FAM181B: variants seen among roughly 807,000 people sequenced by gnomAD.
The protein encoded by FAM181B is protein FAM181B.
In FAM181B, 13 loss-of-function variants were observed where a neutral mutation model predicts 17.8. The ratio of observed to expected loss-of-function variants is 0.73; its 90% CI spans 0.48 to 1.16. The LOEUF is 1.16. Among genes scored for constraint, FAM181B ranks in the 50% most tolerant of loss-of-function variants. The pLI is 0.00. For synonymous variants in FAM181B, 338 were observed against 316.5 expected (o/e 1.07, Z -0.72); for missense variants, 725 against 634.1 (o/e 1.14, Z -1.54).
Position 82,733,768 on chromosome 11 carries a change from G to A in FAM181B, c.-39C>T. On this transcript the variant is annotated 5_prime_UTR_variant, in exon 1 of 1. Transcript: ENST00000329203. ...GGGCTGTCCGCAGCGCTGCCCGTGC[G>A]CCCCCGCCAGCTCCTGCCCGCCGCC... The A allele has an allele frequency of 7.8e-7, 1 of 1,287,858 alleles. No individual in the cohort carries two copies. Among genetic ancestry groups the A allele is most frequent in the Non-Finnish European group, 9.8e-7 (1 of 1,017,500 alleles). The allele number at this position is 1,287,858 out of a possible 1,614,324, so 79.8% of individuals were successfully genotyped here.
chr11:82,732,376 A>C lies in FAM181B; in HGVS notation c.*73T>G. ...CACGTGCATTTTCCCATCGTTCTTC[A>C]GATTTAGGAGAAACCCACGGAGGCG... On this transcript the variant is annotated 3_prime_UTR_variant, in exon 1 of 1. Transcript: ENST00000329203. The C allele has an allele frequency of 7.2e-7, 1 of 1,389,802 alleles. No individual in the cohort carries two copies. Among genetic ancestry groups the C allele is most frequent in the Non-Finnish European group, 9.8e-7 (1 of 1,022,734 alleles). The allele number at this position is 1,389,802 out of a possible 1,614,324, so 86.1% of individuals were successfully genotyped here. A position where few individuals can be genotyped will look rare whatever the true frequency, so the allele number is the denominator to read the frequency against.
Position 82,732,867 on chromosome 11 carries a change from T to C in FAM181B, c.863A>G (p.Asp288Gly). The change falls in exon 1 of 1, where the codon GAC becomes GGC. Residue 288 changes from aspartate to glycine, a missense_variant. Transcript: ENST00000329203. Reference protein sequence around the residue: ...AAVLLAAEPLDVFPAGASVLR... With the variant: ...AAVLLAAEPLGVFPAGASVLR... ...TACGGAGGCTCCGGCGGGGAACACG[T>C]CGAGAGGCTCGGCGGCAAGCAAGAC... is the stretch of plus-strand genomic sequence containing the variant. 2.0e-6 allele frequency: 3 copies of C among 1,535,014 alleles called. No individual in the cohort carries two copies. Among genetic ancestry groups the C allele is most frequent in the Non-Finnish European group, 2.6e-6 (3 of 1,141,856 alleles).
Position 82,731,421 on chromosome 11 carries a change from C to G in FAM181B, c.*1028G>C, listed in dbSNP as rs1565195462. 6.6e-6 allele frequency: 1 copy of G among 152,278 alleles called. No individual in the cohort carries two copies. Among genetic ancestry groups the G allele is most frequent in the Non-Finnish European group, 1.5e-5 (1 of 68,092 alleles). The allele number at this position is 152,278 out of a possible 1,614,324, so 9.4% of individuals were successfully genotyped here. A position where few individuals can be genotyped will look rare whatever the true frequency, so the allele number is the denominator to read the frequency against. On this transcript the variant is annotated 3_prime_UTR_variant, in exon 1 of 1. Transcript: ENST00000329203. ...GTAGATAGCCCCCCGCCAAAAAAGG[C>G]ATGGGACTCACAACTCTGTTTCCGT... is the stretch of plus-strand genomic sequence containing the variant.
rs1193553200 is a variant in FAM181B at position 82,732,946 on chromosome 11, C to A, written c.784G>T (p.Val262Leu). 1 of 1,575,068 alleles carries A rather than the reference C, an allele frequency of 6.3e-7. No individual in the cohort carries two copies. The highest frequency in any genetic ancestry group is 8.6e-7 in the Non-Finnish European group (1 of 1,167,384). The change falls in exon 1 of 1, where the codon GTG becomes TTG. Residue 262 changes from valine (V) to leucine (L), a missense_variant. Transcript: ENST00000329203. The stretch of plus-strand genomic sequence containing the variant: ...GGCCCCAGCAGCTCAAAGAACTCCA[C>A]GGCCTCCGCGCCCTTCTCCAGGTCG... The part of the protein sequence containing the change: ...LGDLEKGAEA[V>L]EFFELLGPDY...
chr11:82,732,568 G>T lies in FAM181B; in HGVS notation c.1162C>A (p.Pro388Thr), dbSNP rs1209771428. 1.9e-6 allele frequency: 3 copies of T among 1,599,930 alleles called. No homozygotes were observed. Among genetic ancestry groups the T allele is most frequent in the Non-Finnish European group, 2.6e-6 (3 of 1,173,398 alleles). ...PDCALPPPPP[P>T]HQVSYDYSAG... ...CTGTAATCGTAGGACACCTGATGGG[G>T]CGGCGGCGGCGGGGGCAGGGCGCAG... The change falls in exon 1 of 1, where the codon CCC becomes ACC. Residue 388 changes from proline to threonine, a missense_variant. Physicochemically the swap from Pro to Thr is conservative, Grantham distance 38 (BLOSUM62 -1). Transcript: ENST00000329203.
At position 82,732,982 on chromosome 11, in the gene FAM181B, C is replaced by G; in HGVS notation, c.748G>C (p.Val250Leu). ...GGGCGPSGPD[V>L]SLGDLEKGAE... ...CCCTTCTCCAGGTCGCCCAAGCTCACGTCCGGCCCCGACGGGCCACACCCG... is the reference window on the plus strand; with the variant it reads ...CCCTTCTCCAGGTCGCCCAAGCTCAGGTCCGGCCCCGACGGGCCACACCCG... The change falls in exon 1 of 1, where the codon GTG becomes CTG. Residue 250 changes from valine to leucine, a missense_variant. Coordinates refer to ENST00000329203, the MANE Select transcript of FAM181B (RefSeq NM_175885.4). 1 of 1,562,862 alleles carries G rather than the reference C, an allele frequency of 6.4e-7. No homozygotes were observed. The highest frequency in any genetic ancestry group is 1.8e-5 in the Admixed American group (1 of 55,986).
rs1857140330 is a variant in FAM181B, at chr11:82,732,357, C to A, written c.*92G>T. The A allele has an allele frequency of 2.4e-6, 3 of 1,233,002 alleles. No homozygotes were observed. The South Asian group carries it at 4.4e-5, about 18-fold the overall frequency. The allele number at this position is 1,233,002 out of a possible 1,614,324, so 76.4% of individuals were successfully genotyped here. The stretch of plus-strand genomic sequence containing the variant: ...AAAAATCTGGTTTCATCTCCACGTG[C>A]ATTTTCCCATCGTTCTTCAGATTTA... On this transcript the variant is annotated 3_prime_UTR_variant, in exon 1 of 1. Coordinates refer to ENST00000329203, the MANE Select transcript of FAM181B (RefSeq NM_175885.4).
Position 82,732,904 on chromosome 11 carries a change from T to C in FAM181B, c.826A>G (p.Thr276Ala), listed in dbSNP as rs566340476. Residue 276 changes from threonine (T) to alanine (A), a missense_variant, in exon 1 of 1, where the codon ACG becomes GCG. By Grantham distance (58) the Thr-to-Ala change is moderately conservative. Transcript: ENST00000329203. The stretch of plus-strand genomic sequence containing the variant: ...GCGGCAAGCAAGACTGCCGCCTCCG[T>C]GCCGGCGCCGTAGTCGGGCCCCAGC... Reference protein sequence around the residue: ...ELLGPDYGAGTEAAVLLAAEP... With the variant: ...ELLGPDYGAGAEAAVLLAAEP... 5.2e-6 allele frequency: 8 copies of C among 1,550,186 alleles called. No individual in the cohort carries two copies. In the Admixed American group the frequency reaches 7.7e-5, roughly 15 times the overall value.
In FAM181B at chr11:82,732,253, C is replaced by G. The variant is rs1259988379; in HGVS notation, c.*196G>C. ...ACGTGTTTGTTTGTTTTTGTTTTAACACTTGAGGTTGTGATTAAACAATCC... is the reference window on the plus strand; with the variant it reads ...ACGTGTTTGTTTGTTTTTGTTTTAAGACTTGAGGTTGTGATTAAACAATCC... On this transcript the variant is annotated 3_prime_UTR_variant, in exon 1 of 1. Coordinates refer to ENST00000329203, the MANE Select transcript of FAM181B (RefSeq NM_175885.4). The G allele has an allele frequency of 4.1e-5, 25 of 608,812 alleles. No homozygotes were observed. Among genetic ancestry groups the G allele is most frequent in the Non-Finnish European group, 5.7e-5 (20 of 350,950 alleles). 37.7% of individuals were successfully genotyped at this position (608,812 alleles called of 1,614,324 possible). A position where few individuals can be genotyped will look rare whatever the true frequency, so the allele number is the denominator to read the frequency against.
Position 82,732,670 on chromosome 11 carries a change from A to G in FAM181B, c.1060T>C (p.Tyr354His). The change falls in exon 1 of 1, where the codon TAC becomes CAC. Residue 354 changes from tyrosine (Y) to histidine (H), a missense_variant. By Grantham distance (83) the Tyr-to-His change is moderately conservative. Coordinates refer to ENST00000329203, the MANE Select transcript of FAM181B (RefSeq NM_175885.4). ...CCGGGAGAATCCGCAGCGGCGGGGTACAGGGGGCTCAAGGGCTCGTTCAAG... is the reference window on the plus strand; with the variant it reads ...CCGGGAGAATCCGCAGCGGCGGGGTGCAGGGGGCTCAAGGGCTCGTTCAAG... ...LTLNEPLSPLYPAAADSPGGE... is the reference protein window; with the variant it reads ...LTLNEPLSPLHPAAADSPGGE... 6.7e-7 allele frequency: 1 copy of G among 1,483,174 alleles called. No homozygotes were observed. Among genetic ancestry groups the G allele is most frequent in the Non-Finnish European group, 9.0e-7 (1 of 1,116,150 alleles). 91.9% of individuals were successfully genotyped at this position (1,483,174 alleles called of 1,614,324 possible).
rs575196084 is a variant in FAM181B, at chr11:82,731,234, A to T, written c.*1215T>A. The T allele has an allele frequency of 5.3e-5, 8 of 152,296 alleles. No individual in the cohort carries two copies. The highest frequency in any genetic ancestry group is 1.0e-4 in the Non-Finnish European group (7 of 68,112). 9.4% of individuals were successfully genotyped at this position (152,296 alleles called of 1,614,324 possible). A position where few individuals can be genotyped will look rare whatever the true frequency, so the allele number is the denominator to read the frequency against. ...ACAGAAATTCCTTTGGAAACTTCAC[A>T]CCTTTCTTTATGCCCTTCCGTGGGG... On this transcript the variant is annotated 3_prime_UTR_variant, in exon 1 of 1. Coordinates refer to ENST00000329203, the MANE Select transcript of FAM181B (RefSeq NM_175885.4).
rs867302628 is a variant in FAM181B at position 82,733,415 on chromosome 11, G to A, written c.315C>T (p.Ser105=). The A allele has an allele frequency of 2.6e-6, 4 of 1,535,564 alleles. 1 individual carries two copies. The highest frequency in any genetic ancestry group is 1.8e-4 in the Middle Eastern group (1 of 5,648). ...CGGGGGGCGCGGCGCCCATGAGGCC[G>A]CTGCAGCGCTTGATCTGCTTCTGCA... ...KYLQKQIKRC[S]GLMGAAPPGP... is the part of the protein sequence containing the mutation. The change falls in exon 1 of 1, where the codon AGC becomes AGT. Residue 105 remains serine (S), a synonymous_variant. Transcript: ENST00000329203.
Position 82,733,253 on chromosome 11 carries a change from G to A in FAM181B, c.477C>T (p.Ser159=). The change falls in exon 1 of 1, where the codon AGC becomes AGT. Residue 159 remains serine, a synonymous_variant. Transcript: ENST00000329203. ...GCGCGGCCAGACTTCGGCTTTGCAA[G>A]CTGGCGGCCGCGGCGGCCTGCGACG... The part of the protein sequence containing the change: ...REASQAAAAA[S]LQSRSLAALF... The A allele has an allele frequency of 8.1e-7, 1 of 1,232,626 alleles. No homozygotes were observed. Among genetic ancestry groups the A allele is most frequent in the South Asian group, 3.8e-5 (1 of 26,150 alleles). The allele number at this position is 1,232,626 out of a possible 1,614,324, so 76.4% of individuals were successfully genotyped here. A position where few individuals can be genotyped will look rare whatever the true frequency, so the allele number is the denominator to read the frequency against.
Position 82,733,787 on chromosome 11 carries a change from C to T in FAM181B, c.-58G>A, listed in dbSNP as rs1042850975. 8.1e-7 allele frequency: 1 copy of T among 1,239,612 alleles called. No individual in the cohort carries two copies. The highest frequency in any genetic ancestry group is 1.0e-6 in the Non-Finnish European group (1 of 989,142). The allele number at this position is 1,239,612 out of a possible 1,614,324, so 76.8% of individuals were successfully genotyped here. A position where few individuals can be genotyped will look rare whatever the true frequency, so the allele number is the denominator to read the frequency against. On this transcript the variant is annotated 5_prime_UTR_variant, in exon 1 of 1. Transcript: ENST00000329203. ...CCGTGCGCCCCCGCCAGCTCCTGCC[C>T]GCCGCCCAGACCCAGCTCCCGCCCC...
chr11:82,732,185 C>A lies in FAM181B; in HGVS notation c.*264G>T. 2.0e-6 allele frequency: 1 copy of A among 507,270 alleles called. No individual in the cohort carries two copies. 31.4% of individuals were successfully genotyped at this position (507,270 alleles called of 1,614,324 possible). ...GCCGTCCCCACCCCATACCCCAAAC[C>A]ATCTTGGTTTCTTGACTCCTCTGGT... On this transcript the variant is annotated 3_prime_UTR_variant, in exon 1 of 1. Transcript: ENST00000329203.
chr11:82,732,721 G>T lies in FAM181B; in HGVS notation c.1009C>A (p.Leu337Met). Reference sequence around the variant, plus strand: ...GTCAAGCCGCCGCGGGGGGCAGTCAGGGGGCTCTTTTTGGTCGGGGAGCAG... The same window carrying T: ...GTCAAGCCGCCGCGGGGGGCAGTCATGGGGCTCTTTTTGGTCGGGGAGCAG... ...PGCSPTKKSP[L>M]TAPRGGLTLN... The change falls in exon 1 of 1, where the codon CTG becomes ATG. Residue 337 changes from leucine to methionine, a missense_variant. Transcript: ENST00000329203. 6.9e-7 allele frequency: 1 copy of T among 1,458,004 alleles called. No individual in the cohort carries two copies. The highest frequency in any genetic ancestry group is 9.1e-7 in the Non-Finnish European group (1 of 1,103,912). The allele number at this position is 1,458,004 out of a possible 1,614,324, so 90.3% of individuals were successfully genotyped here.
chr11:82,733,589 C>T lies in FAM181B; in HGVS notation c.141G>A (p.Ala47=), dbSNP rs767140869. The T allele has an allele frequency of 2.5e-6, 4 of 1,602,900 alleles. No homozygotes were observed. The highest frequency in any genetic ancestry group is 2.5e-6 in the Non-Finnish European group (3 of 1,178,682). Reference sequence around the variant, plus strand: ...CTTCGGCTCCCGACAGCAGCGCACCCGCCGGAGCCCCGGTCTCATCGTCCT... The same window carrying T: ...CTTCGGCTCCCGACAGCAGCGCACCTGCCGGAGCCCCGGTCTCATCGTCCT... The part of the protein sequence containing the change: ...CFEDDETGAP[A]GALLSGAEGG... Residue 47 remains alanine, a synonymous_variant, in exon 1 of 1, where the codon GCG becomes GCA. Transcript: ENST00000329203.
chr11:82,732,838 G>C lies in FAM181B; in HGVS notation c.892C>G (p.Arg298Gly). ...CCGGGCTCCAGCTCCGGGGGTCCCC[G>C]CAGTACGGAGGCTCCGGCGGGGAAC... is the stretch of plus-strand genomic sequence containing the variant. ...DVFPAGASVL[R>G]GPPELEPGLF... Residue 298 changes from arginine to glycine, a missense_variant, in exon 1 of 1, where the codon CGG becomes GGG. Physicochemically the swap from Arg to Gly is moderately radical, Grantham distance 125. Transcript: ENST00000329203. The C allele has an allele frequency of 6.5e-7, 1 of 1,534,244 alleles. No homozygotes were observed. Among genetic ancestry groups the C allele is most frequent in the Non-Finnish European group, 8.8e-7 (1 of 1,140,466 alleles).
Position 82,733,756 on chromosome 11 carries a change from C to A in FAM181B, c.-27G>T. ...GCCGCGGCTCCCGGGCTGTCCGCAG[C>A]GCTGCCCGTGCGCCCCCGCCAGCTC... On this transcript the variant is annotated 5_prime_UTR_variant, in exon 1 of 1. Coordinates refer to ENST00000329203, the MANE Select transcript of FAM181B (RefSeq NM_175885.4). The A allele has an allele frequency of 1.5e-6, 2 of 1,315,046 alleles. No homozygotes were observed. The highest frequency in any genetic ancestry group is 1.5e-5 in the African/African-American group (1 of 64,920). The allele number at this position is 1,315,046 out of a possible 1,614,324, so 81.5% of individuals were successfully genotyped here.
Sources: allele counts gnomAD v4.1 joint callset, GRCh38; gene constraint gnomAD v4.1.1; transcripts MANE v1.5; gene names NCBI Gene and HGNC (gene_info 2026-07-23, HGNC 2026-07-21).